SIRT2: variants seen among roughly 807,000 people sequenced by gnomAD.
SIRT2 encodes sirtuin 2, also known as NAD-dependent protein deacetylase sirtuin-2.
Under a neutral mutation model 57.4 loss-of-function variants are expected in SIRT2, and 40 were observed. The ratio of observed to expected loss-of-function variants is 0.70; its 90% CI spans 0.54 to 0.91. SIRT2 has a LOEUF of 0.91. Ranked by LOEUF, SIRT2 falls within the 40% of genes least tolerant of loss-of-function variation. SIRT2 has a pLI of 0.00. For synonymous variants in SIRT2, 161 were observed against 195.7 expected (o/e 0.82, Z 1.48); for missense variants, 439 against 510.4 (o/e 0.86, Z 1.35).
Position 38,880,427 on chromosome 19 carries a change from C to A in SIRT2, c.876+258G>T, listed in dbSNP as rs1385433190. On this transcript the variant is annotated intron_variant, in intron 13 of 15. Transcript: ENST00000249396. The surrounding 1 kb of genome is among the most constrained non-coding windows in gnomAD (Gnocchi z 4.1). ...ACTGTCTCTCCTGACCCCTGCACCC[C>A]CTCCCACCTCCTCAGTCCCTGGAAG... 6.9e-6 allele frequency: 3 copies of A among 437,952 alleles called. No individual in the cohort carries two copies. Among genetic ancestry groups the A allele is most frequent in the Admixed American group, 4.0e-5 (1 of 25,254 alleles). The allele number at this position is 437,952 out of a possible 1,614,324, so 27.1% of individuals were successfully genotyped here. A position where few individuals can be genotyped will look rare whatever the true frequency, so the allele number is the denominator to read the frequency against.
chr19:38,899,479 A>AC (rs1343776849), intron 1 of SIRT2, 27 bp downstream of exon 1: 1 of 1,611,346 alleles, frequency 6.2e-7, no homozygotes, highest in Non-Finnish European at 8.5e-7. Flanking sequence ...GCGCGGCCCG[A>AC]CCCTCCTACC....
At chr19:38,897,581 G>A (rs1344918471) in intron 2 of SIRT2, among the ~76,000 whole-genome samples, 1 of 151,828 alleles carries the variant, frequency 6.6e-6, no homozygotes, top group Non-Finnish European at 1.5e-5. Context: ...GGGGTGCAGT[G>A]GCACAGTCAA....
At position 38,894,487 on chromosome 19, in the gene SIRT2, G is replaced by A. The variant is rs555528768; in HGVS notation, c.64-620C>T. 2.6e-5 allele frequency: 6 copies of A among 234,206 alleles called. No homozygotes were observed. In the South Asian group the frequency reaches 3.3e-4, roughly 13 times the overall value. 14.5% of individuals were successfully genotyped at this position (234,206 alleles called of 1,614,324 possible). A position where few individuals can be genotyped will look rare whatever the true frequency, so the allele number is the denominator to read the frequency against. Reference sequence around the variant, plus strand: ...GGTGCTGGGCGCAGCACCAGGGGCGGGGGAAGTGCTTGGTAAGCGCTGGCT... The same window carrying A: ...GGTGCTGGGCGCAGCACCAGGGGCGAGGGAAGTGCTTGGTAAGCGCTGGCT... On this transcript the variant is annotated intron_variant, in intron 2 of 15. Transcript: ENST00000249396.
Position 38,889,719 on chromosome 19 carries a change from G to A in SIRT2, c.402C>T (p.Leu134=), listed in dbSNP as rs747483458. 7 of 1,613,998 alleles carry A rather than the reference G, an allele frequency of 4.3e-6. No individual in the cohort carries two copies. Among genetic ancestry groups the A allele is most frequent in the South Asian group, 2.2e-5 (2 of 91,086 alleles). ...FKKHPEPFFA[L]AKELYPGQFK... ...ACTGCCCAGGATAGAGTTCCTTGGC[G>A]AGGGCGAAGAAGGGTTCCGGATGTT... Residue 134 remains leucine, a synonymous_variant, in exon 7 of 16, where the codon CTC becomes CTT. Transcript: ENST00000249396.
intron 4 of SIRT2, chr19:38,891,931 G>A (rs905027153): frequency 2.1e-5 from 10 of 469,864 alleles, no homozygotes; most frequent in African/African-American, 4.0e-5. Context: ...GCTCAGGGCA[G>A]CAGGCCTGGC....
chr19:38,885,095 C>CT (rs994519289), intron 8 of SIRT2, among the ~76,000 whole-genome samples: 9 of 151,464 alleles, frequency 5.9e-5, no homozygotes, highest in East Asian at 3.9e-4. Flanking sequence ...GTGTTCTTTT[C>CT]TTTTTTTGGA....
At position 38,880,547 on chromosome 19, in the gene SIRT2, C is replaced by T; in HGVS notation, c.876+138G>A. On this transcript the variant is annotated intron_variant, in intron 13 of 15. Coordinates refer to ENST00000249396, the MANE Select transcript of SIRT2 (RefSeq NM_012237.4). This position sits in a 1 kb window ranked among gnomAD's most constrained non-coding sequence, Gnocchi z 4.1. ...TGTCCCAGAGGCCTGGAACCCGACC[C>T]CTCTGGATTCTAGAGCCCCAGGTTC... 1 of 641,344 alleles carries T rather than the reference C, an allele frequency of 1.6e-6. No individual in the cohort carries two copies. Among genetic ancestry groups the T allele is most frequent in the East Asian group, 2.6e-5 (1 of 38,580 alleles). 39.7% of individuals were successfully genotyped at this position (641,344 alleles called of 1,614,324 possible).
In SIRT2 at chr19:38,880,319, A is replaced by C. The variant is rs1973105952; in HGVS notation, c.876+366T>G. On this transcript the variant is annotated intron_variant, in intron 13 of 15. Transcript: ENST00000249396. The surrounding 1 kb of genome is among the most constrained non-coding windows in gnomAD (Gnocchi z 4.1). ...ACTTCCCCTGAGGGGAACACCTAGG[A>C]GGGAGCACCTGCCCTAGAGTGAGGC... 7.9e-6 allele frequency: 2 copies of C among 251,744 alleles called. No homozygotes were observed. The highest frequency in any genetic ancestry group is 4.9e-5 in the Admixed American group (1 of 20,204). 15.6% of individuals were successfully genotyped at this position (251,744 alleles called of 1,614,324 possible). A position where few individuals can be genotyped will look rare whatever the true frequency, so the allele number is the denominator to read the frequency against.
At chr19:38,892,115 G>T in intron 4 of SIRT2, 4 of 357,406 alleles carry the variant, frequency 1.1e-5, no homozygotes, top group South Asian at 6.3e-5. Context: ...TAAATTTCAG[G>T]CCGGGACGGG....
In SIRT2 at chr19:38,889,967, A is replaced by G. The variant is rs761208240; in HGVS notation, c.269-6T>C. ...AAAGTCGGGGATGCCTGCGGCTAGG[A>G]AAGGGGGGTCAGGGAGCAGTTGGTC... On this transcript the variant is annotated splice_polypyrimidine_tract_variant and splice_region_variant and intron_variant, in intron 5 of 15. Coordinates refer to ENST00000249396, the MANE Select transcript of SIRT2 (RefSeq NM_012237.4). The G allele has an allele frequency of 2.5e-6, 4 of 1,613,682 alleles. No homozygotes were observed. In the African/African-American group the frequency reaches 5.3e-5, roughly 22 times the overall value.
rs1486408119 is a variant in SIRT2 at position 38,894,557 on chromosome 19, G to A, written c.64-690C>T. 4 of 294,772 alleles carry A rather than the reference G, an allele frequency of 1.4e-5. No homozygotes were observed. In the Admixed American group the frequency reaches 1.7e-4, roughly 13 times the overall value. 18.3% of individuals were successfully genotyped at this position (294,772 alleles called of 1,614,324 possible). On this transcript the variant is annotated intron_variant, in intron 2 of 15. Transcript: ENST00000249396. ...CCTGGGGTCTTCCCTTCGTTCCCGG[G>A]TCCCCTGGAGCGTGGGCCTGCTGTC...
At chr19:38,888,406 C>T (rs951919205) in intron 8 of SIRT2, among the ~76,000 whole-genome samples, 3 of 151,630 alleles carry the variant, frequency 2.0e-5, no homozygotes, top group African/African-American at 7.3e-5. Context: ...CGCCTGGGCT[C>T]GAGCTATCTC....
intron 2 of SIRT2, among the ~76,000 whole-genome samples, chr19:38,897,141 T>C (rs1303976895): frequency 6.6e-6 from 1 of 152,198 alleles, no homozygotes; most frequent in Non-Finnish European, 1.5e-5. Flanking sequence ...TGATAGGCGT[T>C]TCTCTTCACA....
At chr19:38,895,725 C>T (rs1162791887) in intron 2 of SIRT2, among the ~76,000 whole-genome samples, 1 of 152,038 alleles carries the variant, frequency 6.6e-6, no homozygotes, top group Non-Finnish European at 1.5e-5. Flanking sequence ...TTGCTTGATG[C>T]CAGGAGTTCA....
At chr19:38,882,708 A>G (rs1056332524) in intron 9 of SIRT2, among the ~76,000 whole-genome samples, 1 of 123,870 alleles carries the variant, frequency 8.1e-6, no homozygotes, top group Non-Finnish European at 1.8e-5. Context: ...CATTTGCTCA[A>G]CTGTCCATTC....
intron 7 of SIRT2, chr19:38,889,364 G>A (rs1440977820): frequency 4.2e-6 from 3 of 716,584 alleles, no homozygotes; most frequent in African/African-American, 3.5e-5. Flanking sequence ...AAAGTCACAC[G>A]GTGGGTAAGC....
chr19:38,892,233 T>C (rs1010414663), intron 4 of SIRT2, among the ~76,000 whole-genome samples: 1 of 151,766 alleles, frequency 6.6e-6, no homozygotes, highest in African/African-American at 2.4e-5. Flanking sequence ...CTGTCTCTAC[T>C]AAAATACAAA....
At chr19:38,892,112 C>T in intron 4 of SIRT2, 4 of 356,290 alleles carry the variant, frequency 1.1e-5, no homozygotes, top group Non-Finnish European at 1.7e-5. Flanking sequence ...ATATAAATTT[C>T]AGGCCGGGAC....
At chr19:38,888,187 T>C (rs1973404437) in intron 8 of SIRT2, among the ~76,000 whole-genome samples, 1 of 152,218 alleles carries the variant, frequency 6.6e-6, no homozygotes, top group Admixed American at 6.5e-5. Context: ...TTTTGATTTG[T>C]TTTTTGTTTC....
Sources: gnomAD v4.1 joint callset for allele counts (sites outside exome capture counted in the v4.1 genomes callset) on GRCh38, gnomAD v4.1.1 for gene constraint, Gnocchi (gnomAD v3.1) non-coding constraint, MANE v1.5 for transcripts, NCBI Gene and HGNC (gene_info 2026-07-23, HGNC 2026-07-21) for gene names.